CDKAL1: variants seen among roughly 807,000 people sequenced by gnomAD.
The protein encoded by CDKAL1 is threonylcarbamoyladenosine tRNA methylthiotransferase.
CDKAL1 carries 32 observed loss-of-function variants against 68.2 expected under a neutral mutation model. That is an observed-to-expected ratio of 0.47 (90% CI 0.35 to 0.63). CDKAL1 has a LOEUF of 0.63. CDKAL1 is among the 30% of genes least tolerant of loss of function. The pLI, the probability that CDKAL1 is intolerant of heterozygous loss-of-function variation, is 0.00. For missense variants in CDKAL1, 606 were observed against 696.7 expected, an observed-to-expected ratio of 0.87 and a Z score of 1.47; for synonymous variants, 234 against 244.3, an observed-to-expected ratio of 0.96 and a Z score of 0.39.
chr6:20,976,523 T>C (rs918875580), intron 10 of CDKAL1, among the ~76,000 whole-genome samples: 2 of 152,196 alleles, frequency 1.3e-5, no homozygotes, highest in Non-Finnish European at 2.9e-5. Flanking sequence ...CTTTTTATTG[T>C]GGTATAACAT....
At chr6:21,074,966 T>A (rs79531289) in intron 12 of CDKAL1, among the ~76,000 whole-genome samples, 3,313 of 152,114 alleles carry the variant, frequency 0.022, 135 homozygotes, top group African/African-American at 0.075. Flanking sequence ...ATCCTTCACC[T>A]ACTCCTACCT....
chr6:20,722,817 C>G (rs1772445345), intron 5 of CDKAL1, among the ~76,000 whole-genome samples: 1 of 152,058 alleles, frequency 6.6e-6, no homozygotes. Context: ...ATAAAGACCC[C>G]AGACTCAGTT....
intron 6 of CDKAL1, chr6:20,756,839 T>TTCCTTCCTTCCTTC (rs1774198628): frequency 1.5e-5 from 1 of 68,800 alleles, no homozygotes; most frequent in Non-Finnish European, 2.9e-5. Flanking sequence ...TTCCTTCCTT[T>TTCCTTCCTTCCTTC]CTTCCTTCCT....
rs1040762597 is a variant in CDKAL1 at position 20,658,478 on chromosome 6, A to G, written c.371+9101A>G. 2.6e-5 allele frequency among the ~76,000 whole-genome samples: 4 copies of G among 152,254 alleles called. No homozygotes were observed. The East Asian group carries it at 5.8e-4, about 22-fold the overall frequency. On this transcript the variant is annotated intron_variant, in intron 5 of 15. Coordinates refer to ENST00000274695, the MANE Select transcript of CDKAL1 (RefSeq NM_017774.3). The stretch of plus-strand genomic sequence containing the variant: ...ACAGAGGATATCTGCTTTGTATAAC[A>G]TCTTTTCACTATAGGAAAGCACCTT...
chr6:20,853,835 A>G (rs1221529408), intron 9 of CDKAL1, among the ~76,000 whole-genome samples: 2 of 152,180 alleles, frequency 1.3e-5, no homozygotes, highest in East Asian at 3.9e-4. Context: ...TCAATTCTGT[A>G]GTGAGAAGGA....
chr6:20,626,242 T>C (rs943504178), intron 4 of CDKAL1, among the ~76,000 whole-genome samples: 10 of 152,122 alleles, frequency 6.6e-5, no homozygotes, highest in Admixed American at 2.6e-4. Context: ...TAAATATTGG[T>C]GTTAGGAGAC....
At chr6:21,182,763 C>T (rs1248100898) in intron 13 of CDKAL1, among the ~76,000 whole-genome samples, 1 of 152,140 alleles carries the variant, frequency 6.6e-6, no homozygotes, top group East Asian at 1.9e-4. Context: ...AAAGGCATAT[C>T]CTATTTATCA....
rs572080602 is a variant in CDKAL1, at chr6:21,148,906, T to C, written c.1299+40443T>C. Among the ~76,000 whole-genome samples the C allele has an allele frequency of 7.2e-5, 11 of 152,348 alleles. No homozygotes were observed. The East Asian group carries it at 2.1e-3, about 29-fold the overall frequency. On this transcript the variant is annotated intron_variant, in intron 13 of 15. Coordinates refer to ENST00000274695, the MANE Select transcript of CDKAL1 (RefSeq NM_017774.3). ...CTAAAAAAGAATAAACTGTATGAAG[T>C]GAAGACTGAATTTTTAGTTAAAAGT...
At chr6:20,591,272 G>A (rs914492049) in intron 4 of CDKAL1, among the ~76,000 whole-genome samples, 1 of 152,110 alleles carries the variant, frequency 6.6e-6, no homozygotes, top group Admixed American at 6.5e-5. Context: ...TAAATGGATA[G>A]ATTGCAAAAA....
At chr6:21,051,961 T>A (rs1770563237) in intron 11 of CDKAL1, among the ~76,000 whole-genome samples, 1 of 152,212 alleles carries the variant, frequency 6.6e-6, no homozygotes, top group Non-Finnish European at 1.5e-5. Flanking sequence ...AAGTTGTTTC[T>A]CCCAGACAGT....
chr6:21,029,586 G>T (rs1769154414), intron 11 of CDKAL1, among the ~76,000 whole-genome samples: 1 of 151,980 alleles, frequency 6.6e-6, no homozygotes, highest in African/African-American at 2.4e-5. Flanking sequence ...TACTTATCTG[G>T]CAAAGGTGTA....
intron 5 of CDKAL1, among the ~76,000 whole-genome samples, chr6:20,731,613 C>T (rs1314781159): frequency 6.6e-6 from 1 of 152,138 alleles, no homozygotes; most frequent in East Asian, 1.9e-4. Flanking sequence ...GCTTTTAAGT[C>T]ACTAGCCTGA....
At position 21,099,330 on chromosome 6, in the gene CDKAL1, A is replaced by G. The variant is rs1773469119; in HGVS notation, c.1237-9071A>G. Among the ~76,000 whole-genome samples, 5 of 152,362 alleles carry G rather than the reference A, an allele frequency of 3.3e-5. No homozygotes were observed. In the South Asian group the frequency reaches 8.3e-4, roughly 25 times the overall value. On this transcript the variant is annotated intron_variant, in intron 12 of 15. Coordinates refer to ENST00000274695, the MANE Select transcript of CDKAL1 (RefSeq NM_017774.3). ...CAGAAAAGCAACCGTGGACAATGTT[A>G]ATAAAGGAATGAGCACGGCTGTGTT...
intron 4 of CDKAL1, among the ~76,000 whole-genome samples, chr6:20,647,477 A>G (rs1379746642): frequency 6.6e-6 from 1 of 152,186 alleles, no homozygotes; most frequent in East Asian, 1.9e-4. Flanking sequence ...CTCTGTGCCC[A>G]TCACTCTGTT....
chr6:20,997,511 G>C, intron 10 of CDKAL1, among the ~76,000 whole-genome samples: 1 of 143,634 alleles, frequency 7.0e-6, no homozygotes, highest in Non-Finnish European at 1.5e-5. Context: ...TTACTAGTGG[G>C]AAGGTTTATT....
chr6:21,186,795 C>T (rs1218571916), intron 13 of CDKAL1, among the ~76,000 whole-genome samples: 2 of 151,622 alleles, frequency 1.3e-5, no homozygotes, highest in Admixed American at 6.6e-5. Flanking sequence ...GACTAATATC[C>T]TTTCTAAAAC....
chr6:20,980,005 C>A (rs1285424243), intron 10 of CDKAL1, among the ~76,000 whole-genome samples: 2 of 151,918 alleles, frequency 1.3e-5, no homozygotes, highest in Admixed American at 6.6e-5. Flanking sequence ...CTCCTGACCT[C>A]AGGTGATCCA....
intron 7 of CDKAL1, chr6:20,772,993 T>C (rs1775010644): frequency 6.6e-6 from 1 of 152,230 alleles, no homozygotes; most frequent in South Asian, 2.1e-4. Context: ...TCTCTTCTTA[T>C]TCTTTTCTCA....
At chr6:20,971,347 A>G (rs1405191199) in intron 10 of CDKAL1, among the ~76,000 whole-genome samples, 2 of 152,236 alleles carry the variant, frequency 1.3e-5, no homozygotes, top group African/African-American at 2.4e-5. Context: ...CACCATCAGC[A>G]TAGTCTTCCA....
Sources: gnomAD v4.1 joint callset for allele counts (sites outside exome capture counted in the v4.1 genomes callset) on GRCh38, gnomAD v4.1.1 for gene constraint, MANE v1.5 for transcripts, NCBI Gene and HGNC (gene_info 2026-07-23, HGNC 2026-07-21) for gene names.